The following KIRREL3 variants were observed in gnomAD, a reference collection of about 807,000 sequenced individuals.
The protein encoded by KIRREL3 is kin of IRRE-like protein 3.
KIRREL3 carries 36 observed loss-of-function variants against 89.7 expected under a neutral mutation model. That is an observed-to-expected ratio of 0.40 (90% CI 0.31 to 0.53). The LOEUF (loss-of-function observed/expected upper bound fraction) is 0.53, where lower values mean the gene tolerates loss of function less well. KIRREL3 is among the 20% of genes least tolerant of loss of function. The probability of loss-of-function intolerance (pLI) is 0.49; values close to 1 mark genes in which losing one functional copy is unlikely to be tolerated. For synonymous variants in KIRREL3, 445 were observed against 441.4 expected (o/e 1.01, Z -0.10); for missense variants, 864 against 1,056.6 (o/e 0.82, Z 2.53).
Position 126,867,216 on chromosome 11 carries a change from C to T in KIRREL3, c.55+133239G>A, listed in dbSNP as rs772020083. 7.9e-5 allele frequency among the ~76,000 whole-genome samples: 12 copies of T among 152,210 alleles called. No individual in the cohort carries two copies. The highest frequency in any genetic ancestry group is 1.5e-4 in the Non-Finnish European group (10 of 68,042). On this transcript the variant is annotated intron_variant, in intron 1 of 16. Coordinates refer to ENST00000525144, the MANE Select transcript of KIRREL3 (RefSeq NM_032531.4). The surrounding 1 kb of genome is among the most constrained non-coding windows in gnomAD (Gnocchi z 4.7). ...TTTGAGCAGCGGGGCATCTATGCAG[C>T]GAGCCACACTCCTATCACACAGCCT...
chr11:126,910,851 G>A (rs747688424), intron 1 of KIRREL3, among the ~76,000 whole-genome samples: 1 of 152,216 alleles, frequency 6.6e-6, no homozygotes, highest in Admixed American at 6.5e-5. Flanking sequence ...GGACTGCCAG[G>A]TATCCTTGCT....
chr11:126,457,337 A>ATG (rs58393189), intron 6 of KIRREL3, among the ~76,000 whole-genome samples: 4 of 143,422 alleles, frequency 2.8e-5, no homozygotes, highest in Non-Finnish European at 4.6e-5. Flanking sequence ...GTATGTGTAT[A>ATG]TGTGTGTGTG....
At chr11:126,968,787 T>C (rs888961497) in intron 1 of KIRREL3, among the ~76,000 whole-genome samples, 1 of 152,110 alleles carries the variant, frequency 6.6e-6, no homozygotes, top group Non-Finnish European at 1.5e-5. Flanking sequence ...TCAGGAACTC[T>C]ACAGGATGGG....
intron 1 of KIRREL3, among the ~76,000 whole-genome samples, chr11:126,586,607 T>A (rs1412628337): frequency 6.6e-6 from 1 of 152,118 alleles, no homozygotes; most frequent in East Asian, 1.9e-4. Flanking sequence ...CCATAAATTA[T>A]ACATAGCAGA....
chr11:126,722,331 A>G (rs1360907143), intron 1 of KIRREL3, among the ~76,000 whole-genome samples: 1 of 152,184 alleles, frequency 6.6e-6, no homozygotes, highest in Non-Finnish European at 1.5e-5. Flanking sequence ...AGGAAGTCTC[A>G]TTCACCTTTT....
intron 10 of KIRREL3, among the ~76,000 whole-genome samples, chr11:126,444,576 G>A (rs1156695333): frequency 6.6e-6 from 1 of 152,236 alleles, no homozygotes; most frequent in Non-Finnish European, 1.5e-5. Flanking sequence ...CTGGACAACA[G>A]AGCGAGACTC....
Position 126,520,714 on chromosome 11 carries a change from A to C in KIRREL3, c.433+601T>G, listed in dbSNP as rs1565519451. 6.6e-6 allele frequency among the ~76,000 whole-genome samples: 1 copy of C among 152,178 alleles called. No individual in the cohort carries two copies. The highest frequency in any genetic ancestry group is 1.5e-5 in the Non-Finnish European group (1 of 68,042). On this transcript the variant is annotated intron_variant, in intron 4 of 16. Transcript: ENST00000525144. The surrounding 1 kb of genome is among the most constrained non-coding windows in gnomAD (Gnocchi z 4.9). The stretch of plus-strand genomic sequence containing the variant: ...GCTGGGCTCCTGGGAACATAAGATG[A>C]AGAAAGATCAAGGGGAAAAGTATGA...
rs760447931 is a variant in KIRREL3, at chr11:126,837,048, G to T, written c.55+163407C>A. Among the ~76,000 whole-genome samples, 94 of 151,984 alleles carry T rather than the reference G, an allele frequency of 6.2e-4. No homozygotes were observed. Among genetic ancestry groups the T allele is most frequent in the Non-Finnish European group, 1.1e-3 (75 of 67,992 alleles). On this transcript the variant is annotated intron_variant, in intron 1 of 16. Transcript: ENST00000525144. The surrounding 1 kb of genome is among the most constrained non-coding windows in gnomAD (Gnocchi z 4.7). The stretch of plus-strand genomic sequence containing the variant: ...TAAGTATTTTTTTGGGGGGCGGGGG[G>T]TTGAATGAATGAACTAACAAACAGC...
Position 126,587,025 on chromosome 11 carries a change from G to A in KIRREL3, c.56-24113C>T, listed in dbSNP as rs559885967. Among the ~76,000 whole-genome samples the A allele has an allele frequency of 2.6e-4, 40 of 152,302 alleles. No individual in the cohort carries two copies. The highest frequency in any genetic ancestry group is 8.4e-4 in the African/African-American group (35 of 41,562). ...CATGGGGGCACAACTGTAAACCAGAGAGAGTCCCTGCCTCAGGGAGCTGGG... is the reference window on the plus strand; with the variant it reads ...CATGGGGGCACAACTGTAAACCAGAAAGAGTCCCTGCCTCAGGGAGCTGGG... On this transcript the variant is annotated intron_variant, in intron 1 of 16. Coordinates refer to ENST00000525144, the MANE Select transcript of KIRREL3 (RefSeq NM_032531.4). The surrounding 1 kb of genome is among the most constrained non-coding windows in gnomAD (Gnocchi z 5.2).
At chr11:126,499,642 G>A (rs188006233) in intron 4 of KIRREL3, among the ~76,000 whole-genome samples, 173 of 152,350 alleles carry the variant, frequency 1.1e-3, no homozygotes, top group African/African-American at 4.1e-3. Flanking sequence ...TCACGTTAGG[G>A]AGTGGGGGCA....
rs1941394284 is a variant in KIRREL3, at chr11:126,578,881, A to G, written c.56-15969T>C. On this transcript the variant is annotated intron_variant, in intron 1 of 16. Transcript: ENST00000525144. The surrounding 1 kb of genome is among the most constrained non-coding windows in gnomAD (Gnocchi z 4.9). ...ACGTATTGACCATCTGTCAGCAAGT[A>G]TCTACCCTGCAAAATACTTTTCACA... 6.6e-6 allele frequency among the ~76,000 whole-genome samples: 1 copy of G among 152,154 alleles called. No homozygotes were observed. Among genetic ancestry groups the G allele is most frequent in the African/African-American group, 2.4e-5 (1 of 41,428 alleles).
In KIRREL3 at chr11:126,795,204, C is replaced by A. The variant is rs1254788108; in HGVS notation, c.55+205251G>T. Among the ~76,000 whole-genome samples, 1 of 152,122 alleles carries A rather than the reference C, an allele frequency of 6.6e-6. No individual in the cohort carries two copies. Among genetic ancestry groups the A allele is most frequent in the African/African-American group, 2.4e-5 (1 of 41,420 alleles). On this transcript the variant is annotated intron_variant, in intron 1 of 16. Transcript: ENST00000525144. This position sits in a 1 kb window ranked among gnomAD's most constrained non-coding sequence, Gnocchi z 4.1. ...TTGGCCAAGCCCATAGAGTGTACAG[C>A]ATACAGAATGAACTCTAATGTAAAC... is the stretch of plus-strand genomic sequence containing the variant.
intron 1 of KIRREL3, among the ~76,000 whole-genome samples, chr11:126,661,986 T>C (rs1012231659): frequency 2.0e-5 from 3 of 152,058 alleles, no homozygotes; most frequent in African/African-American, 7.3e-5. Context: ...CTGTGGGAGT[T>C]GGGGTTTGGG....
rs1948843746 is a variant in KIRREL3, at chr11:126,953,864, T to C, written c.55+46591A>G. On this transcript the variant is annotated intron_variant, in intron 1 of 16. Coordinates refer to ENST00000525144, the MANE Select transcript of KIRREL3 (RefSeq NM_032531.4). This position sits in a 1 kb window ranked among gnomAD's most constrained non-coding sequence, Gnocchi z 5.2. ...CCTGGTGTTATTAGTTGTTTGGGTT[T>C]TTCTCTGCCTACCACCCGCTTATTT... Among the ~76,000 whole-genome samples the C allele has an allele frequency of 6.6e-6, 1 of 152,192 alleles. No individual in the cohort carries two copies. The highest frequency in any genetic ancestry group is 2.1e-4 in the South Asian group (1 of 4,826).
chr11:126,928,163 T>A (rs758407457), intron 1 of KIRREL3, among the ~76,000 whole-genome samples: 47 of 152,212 alleles, frequency 3.1e-4, no homozygotes, highest in Non-Finnish European at 4.4e-4. Context: ...AGAGATTCAC[T>A]CTGCATAGGA....
intron 1 of KIRREL3, among the ~76,000 whole-genome samples, chr11:126,784,654 C>T (rs530462443): frequency 6.6e-6 from 1 of 151,570 alleles, no homozygotes; most frequent in East Asian, 1.9e-4. Flanking sequence ...AACATAGCCT[C>T]ATGTTAGGGT....
In KIRREL3 at chr11:126,830,022, T is replaced by G. The variant is rs188974368; in HGVS notation, c.55+170433A>C. ...TTTTGTTTTTCTTCCAGACTAAACCTTTCAAGGTACAAAAATAAATCCAAG... is the reference window on the plus strand; with the variant it reads ...TTTTGTTTTTCTTCCAGACTAAACCGTTCAAGGTACAAAAATAAATCCAAG... On this transcript the variant is annotated intron_variant, in intron 1 of 16. Coordinates refer to ENST00000525144, the MANE Select transcript of KIRREL3 (RefSeq NM_032531.4). The surrounding 1 kb of genome is among the most constrained non-coding windows in gnomAD (Gnocchi z 4.9). Among the ~76,000 whole-genome samples, 3 of 152,320 alleles carry G rather than the reference T, an allele frequency of 2.0e-5. No homozygotes were observed. The highest frequency in any genetic ancestry group is 1.9e-4 in the East Asian group (1 of 5,188).
At position 126,544,751 on chromosome 11, in the gene KIRREL3, G is replaced by A. The variant is rs1938648369; in HGVS notation, c.134-18064C>T. Among the ~76,000 whole-genome samples the A allele has an allele frequency of 1.3e-5, 2 of 152,114 alleles. No homozygotes were observed. Among genetic ancestry groups the A allele is most frequent in the South Asian group, 2.1e-4 (1 of 4,810 alleles). Reference sequence around the variant, plus strand: ...CTTGGTTGGCAGCATCAAGATAATCGCCTAAGCCCTTTCTTCTCTTGCAAG... The same window carrying A: ...CTTGGTTGGCAGCATCAAGATAATCACCTAAGCCCTTTCTTCTCTTGCAAG... On this transcript the variant is annotated intron_variant, in intron 2 of 16. Transcript: ENST00000525144. The surrounding 1 kb of genome is among the most constrained non-coding windows in gnomAD (Gnocchi z 5.6).
In KIRREL3 at chr11:126,608,723, G is replaced by A. The variant is rs1942996320; in HGVS notation, c.56-45811C>T. ...CACTGAGGACTCCTCCTGGAGGCAG[G>A]CAGGGGGCTGTCCAGAGGCAGAGCA... On this transcript the variant is annotated intron_variant, in intron 1 of 16. Transcript: ENST00000525144. This position sits in a 1 kb window ranked among gnomAD's most constrained non-coding sequence, Gnocchi z 4.9. 6.6e-6 allele frequency among the ~76,000 whole-genome samples: 1 copy of A among 152,226 alleles called. No homozygotes were observed. The highest frequency in any genetic ancestry group is 2.4e-5 in the African/African-American group (1 of 41,452).
Sources: allele counts gnomAD v4.1 joint callset (sites outside exome capture counted in the v4.1 genomes callset), GRCh38; gene constraint gnomAD v4.1.1; non-coding constraint Gnocchi (gnomAD v3.1); transcripts MANE v1.5; gene names NCBI Gene and HGNC (gene_info 2026-07-23, HGNC 2026-07-21).